The following EPHA10 variants were observed in gnomAD, a reference collection of about 807,000 sequenced individuals.
EPHA10 encodes the protein EPH receptor A10.
Under a neutral mutation model 109.7 loss-of-function variants are expected in EPHA10, and 120 were observed. That is an observed-to-expected ratio of 1.09 (90% CI 0.94 to 1.27). The LOEUF is 1.27. EPHA10 is among the 50% of genes most tolerant of loss of function. The pLI is 0.00. For synonymous variants in EPHA10, 640 were observed against 618.9 expected, an observed-to-expected ratio of 1.03 and a Z score of -0.51; for missense variants, 1,396 against 1,411.1, an observed-to-expected ratio of 0.99 and a Z score of 0.17.
At position 37,716,374 on chromosome 1, in the gene EPHA10, C is replaced by T. The variant is rs879696479; in HGVS notation, c.*1998G>A. The T allele has an allele frequency of 8.8e-5, 21 of 238,504 alleles. No individual in the cohort carries two copies. Among genetic ancestry groups the T allele is most frequent in the African/African-American group, 2.6e-4 (12 of 45,356 alleles). 14.8% of individuals were successfully genotyped at this position (238,504 alleles called of 1,614,324 possible). A position where few individuals can be genotyped will look rare whatever the true frequency, so the allele number is the denominator to read the frequency against. ...GATGTAGCTGGAGATGAGGACGAGGCTCCATCCACCCAAGAAGGGATGCTG... is the reference window on the plus strand; with the variant it reads ...GATGTAGCTGGAGATGAGGACGAGGTTCCATCCACCCAAGAAGGGATGCTG... On this transcript the variant is annotated 3_prime_UTR_variant, in exon 17 of 17. Transcript: ENST00000373048.
In EPHA10 at chr1:37,720,525, T is replaced by C. The variant is rs1321010692; in HGVS notation, c.2238A>G (p.Gln746=). 2.5e-6 allele frequency: 4 copies of C among 1,612,522 alleles called. No individual in the cohort carries two copies. The highest frequency in any genetic ancestry group is 3.4e-6 in the Non-Finnish European group (4 of 1,179,630). Residue 746 remains glutamine, a synonymous_variant, in exon 13 of 17, where the codon CAA becomes CAG. Coordinates refer to ENST00000373048, the MANE Select transcript of EPHA10 (RefSeq NM_001099439.2). ...RRHEGQLVAG[Q]LMGLLPGLAS... is the part of the protein sequence containing the mutation. ...CCAGCCCAGGCAGCAACCCCATCAGTTGCCCAGCCACCAGCTGCCCCTCGT... is the reference window on the plus strand; with the variant it reads ...CCAGCCCAGGCAGCAACCCCATCAGCTGCCCAGCCACCAGCTGCCCCTCGT...
rs1428763683 is a variant in EPHA10 at position 37,716,265 on chromosome 1, C to T, written c.*2107G>A. Reference sequence around the variant, plus strand: ...TGGAGGGGAGATCTACCCTGGACACCGAAGTCCTGCCAACACAGCCAGGGG... The same window carrying T: ...TGGAGGGGAGATCTACCCTGGACACTGAAGTCCTGCCAACACAGCCAGGGG... On this transcript the variant is annotated 3_prime_UTR_variant, in exon 17 of 17. Transcript: ENST00000373048. The T allele has an allele frequency of 1.1e-5, 3 of 263,068 alleles. No homozygotes were observed. Among genetic ancestry groups the T allele is most frequent in the Non-Finnish European group, 1.5e-5 (2 of 137,122 alleles). 16.3% of individuals were successfully genotyped at this position (263,068 alleles called of 1,614,324 possible). A position where few individuals can be genotyped will look rare whatever the true frequency, so the allele number is the denominator to read the frequency against.
At chr1:37,737,324 C>T (rs961694724) in intron 5 of EPHA10, among the ~76,000 whole-genome samples, 3 of 152,176 alleles carry the variant, frequency 2.0e-5, no homozygotes, top group Non-Finnish European at 4.4e-5. Context: ...CACACACACA[C>T]TCACACACAA....
At position 37,765,055 on chromosome 1, in the gene EPHA10, G is replaced by A; in HGVS notation, c.12C>T (p.Cys4=). 6.2e-7 allele frequency: 1 copy of A among 1,601,680 alleles called. No homozygotes were observed. The highest frequency in any genetic ancestry group is 8.5e-7 in the Non-Finnish European group (1 of 1,176,592). The change falls in exon 1 of 17, where the codon TGC becomes TGT. Residue 4 remains cysteine, a synonymous_variant. Transcript: ENST00000373048. MET[C]AGPHPLRLFL... ...AGAGGCGCAGCGGGTGTGGACCGGC[G>A]CAGGTCTCCATGGTCCGCAGACCGA...
intron 5 of EPHA10, among the ~76,000 whole-genome samples, chr1:37,739,017 G>C (rs1284121366): frequency 6.6e-6 from 1 of 152,134 alleles, no homozygotes; most frequent in Non-Finnish European, 1.5e-5. Context: ...GGAGGGTAGG[G>C]GGAGGGATAG....
intron 5 of EPHA10, among the ~76,000 whole-genome samples, chr1:37,742,270 G>A (rs940715002): frequency 1.3e-5 from 2 of 152,184 alleles, no homozygotes; most frequent in Admixed American, 6.5e-5. Flanking sequence ...TGCTAGCTGA[G>A]CTGAATTTTT....
chr1:37,751,955 A>G (rs911442848), intron 5 of EPHA10, among the ~76,000 whole-genome samples: 1 of 152,128 alleles, frequency 6.6e-6, no homozygotes, highest in Admixed American at 6.5e-5. Flanking sequence ...TGTACATGTC[A>G]TATGTCCAAG....
chr1:37,743,539 C>A (rs1449431353), intron 5 of EPHA10, among the ~76,000 whole-genome samples: 1 of 152,160 alleles, frequency 6.6e-6, no homozygotes, highest in Non-Finnish European at 1.5e-5. Flanking sequence ...TTTGGAACAT[C>A]AAGTAAAAAA....
At chr1:37,762,143 C>A in intron 2 of EPHA10, 60 bp from the exon 3 acceptor site, 1 of 1,482,386 alleles carries the variant, frequency 6.7e-7, no homozygotes. Context: ...GGAGGTGGAG[C>A]GCTAGCAGTG....
intron 5 of EPHA10, among the ~76,000 whole-genome samples, chr1:37,736,627 GA>G (rs1646077119): frequency 6.6e-6 from 1 of 152,026 alleles, no homozygotes; most frequent in South Asian, 2.1e-4. Flanking sequence ...GGAATCACTT[GA>G]ACCTGGGAGG....
rs752849185 is a variant in EPHA10 at position 37,761,834 on chromosome 1, G to T, written c.421C>A (p.Arg141Ser). Residue 141 changes from arginine to serine, a missense_variant, in exon 3 of 17, where the codon CGT (arginine) becomes AGT (serine). Arg to Ser is a moderately radical substitution (Grantham distance 110). Transcript: ENST00000373048. ...GGCCGGCTGCCGCCTAGGCGGGGACGCCCACGGCCCAGGTCGGCCTCAGTT... is the reference window on the plus strand; with the variant it reads ...GGCCGGCTGCCGCCTAGGCGGGGACTCCCACGGCCCAGGTCGGCCTCAGTT... Reference protein sequence around the residue: ...LETEADLGRGRPRLGGSRPRK... With the variant: ...LETEADLGRGSPRLGGSRPRK... The T allele has an allele frequency of 2.5e-6, 4 of 1,612,974 alleles. No individual in the cohort carries two copies. The highest frequency in any genetic ancestry group is 3.4e-6 in the Non-Finnish European group (4 of 1,179,420).
chr1:37,762,075 C>T lies in EPHA10; in HGVS notation c.180G>A (p.Glu60=), dbSNP rs1279925701. Residue 60 remains glutamate, a synonymous_variant, in exon 3 of 17, where the codon GAG becomes GAA. Coordinates refer to ENST00000373048, the MANE Select transcript of EPHA10 (RefSeq NM_001099439.2). ...WTALPSNGWE[E]ISGVDEHDRP... ...GGTCGTGTTCATCCACGCCGCTGAT[C>T]TCCTCCCACTGGGGACAAGAGTAAA... 1 of 1,582,946 alleles carries T rather than the reference C, an allele frequency of 6.3e-7. No individual in the cohort carries two copies. Among genetic ancestry groups the T allele is most frequent in the South Asian group, 1.2e-5 (1 of 85,848 alleles).
Position 37,761,722 on chromosome 1 carries a change from C to T in EPHA10, c.533G>A (p.Arg178His). Residue 178 changes from arginine to histidine, a missense_variant, in exon 3 of 17, where the codon CGC becomes CAC. Physicochemically the swap from Arg to His is conservative, Grantham distance 29 (BLOSUM62 0). Coordinates refer to ENST00000373048, the MANE Select transcript of EPHA10 (RefSeq NM_001099439.2). ...CCGCCGGCTGAGCGGTCCGATCTCG[C>T]GCACCTCTGTGTTCAGCTTCATCTT... Reference protein sequence around the residue: ...ERKMKLNTEVREIGPLSRRGF... With the variant: ...ERKMKLNTEVHEIGPLSRRGF... The T allele has an allele frequency of 2.5e-6, 4 of 1,613,742 alleles. No homozygotes were observed. The highest frequency in any genetic ancestry group is 3.4e-6 in the Non-Finnish European group (4 of 1,179,922).
rs536510485 is a variant in EPHA10, at chr1:37,720,465, G to A, written c.2298C>T (p.Tyr766=). Residue 766 remains tyrosine, a synonymous_variant, in exon 13 of 17, where the codon TAC becomes TAT. Coordinates refer to ENST00000373048, the MANE Select transcript of EPHA10 (RefSeq NM_001099439.2). ...SAMKYLSEMG[Y]VHRGLAARHV... ...GGCGAGCTGCCAGGCCCCGGTGAAC[G>A]TAGCCCATCTCTGACAGATACTTCA... The A allele has an allele frequency of 1.0e-4, 166 of 1,613,594 alleles. No homozygotes were observed. In the South Asian group the frequency reaches 1.1e-3, roughly 10 times the overall value.
chr1:37,737,932 C>CTTTTTTTTTTTTT (rs59082119), intron 5 of EPHA10: 2 of 61,458 alleles, frequency 3.3e-5, no homozygotes, highest in Non-Finnish European at 6.0e-5. Flanking sequence ...TAACTGTAGG[C>CTTTTTTTTTTTTT]TTTTTTTTTT....
Position 37,716,971 on chromosome 1 carries a change from C to T in EPHA10, c.*1401G>A, listed in dbSNP as rs573669089. The T allele has an allele frequency of 4.3e-6, 1 of 233,224 alleles. No homozygotes were observed. The highest frequency in any genetic ancestry group is 8.5e-6 in the Non-Finnish European group (1 of 118,070). 14.4% of individuals were successfully genotyped at this position (233,224 alleles called of 1,614,324 possible). A position where few individuals can be genotyped will look rare whatever the true frequency, so the allele number is the denominator to read the frequency against. On this transcript the variant is annotated 3_prime_UTR_variant, in exon 17 of 17. Transcript: ENST00000373048. Reference sequence around the variant, plus strand: ...CTTCTCCTGGTCTAGTCTGAGCCCCCCAAGGGCAGGCTGTGTGTCTTTTTC... The same window carrying T: ...CTTCTCCTGGTCTAGTCTGAGCCCCTCAAGGGCAGGCTGTGTGTCTTTTTC...
At position 37,718,115 on chromosome 1, in the gene EPHA10, G is replaced by A. The variant is rs1645720499; in HGVS notation, c.*257C>T. 2.1e-5 allele frequency: 10 copies of A among 482,582 alleles called. No individual in the cohort carries two copies. The highest frequency in any genetic ancestry group is 3.6e-5 in the Non-Finnish European group (10 of 274,776). 29.9% of individuals were successfully genotyped at this position (482,582 alleles called of 1,614,324 possible). Reference sequence around the variant, plus strand: ...TCTCTGAGACCCCGAATTTCCTCCTGCTGTTATCTCAGGGGTCCTCCCTAG... The same window carrying A: ...TCTCTGAGACCCCGAATTTCCTCCTACTGTTATCTCAGGGGTCCTCCCTAG... On this transcript the variant is annotated 3_prime_UTR_variant, in exon 17 of 17. Coordinates refer to ENST00000373048, the MANE Select transcript of EPHA10 (RefSeq NM_001099439.2).
chr1:37,748,320 T>C (rs1288409928), intron 5 of EPHA10, among the ~76,000 whole-genome samples: 3 of 152,154 alleles, frequency 2.0e-5, no homozygotes, highest in Admixed American at 6.5e-5. Context: ...GATGGTGCCA[T>C]TGCATTCCAG....
intron 6 of EPHA10, among the ~76,000 whole-genome samples, chr1:37,732,961 G>A (rs552005403): frequency 9.8e-5 from 12 of 121,828 alleles, no homozygotes; most frequent in South Asian, 5.5e-4. Flanking sequence ...GTGCAATCTC[G>A]GCTCACTGCA....
Sources: allele counts gnomAD v4.1 joint callset (sites outside exome capture counted in the v4.1 genomes callset), GRCh38; gene constraint gnomAD v4.1.1; transcripts MANE v1.5; gene names NCBI Gene and HGNC (gene_info 2026-07-23, HGNC 2026-07-21).